The following ACP6 variants were observed in gnomAD, a reference collection of about 807,000 sequenced individuals.
The protein encoded by ACP6 is acid phosphatase 6, lysophosphatidic, also known as lysophosphatidic acid phosphatase type 6.
Under a neutral mutation model 48.1 loss-of-function variants are expected in ACP6, and 48 were observed. That is an observed-to-expected ratio of 1.00 (90% confidence interval 0.79 to 1.27). The LOEUF is 1.27. Among genes scored for constraint, ACP6 ranks in the 50% most tolerant of loss-of-function variants. The pLI is 0.00. For missense variants in ACP6, 485 were observed against 529.1 expected (o/e 0.92, Z 0.82); for synonymous variants, 172 against 204.2 (o/e 0.84, Z 1.34).
Position 147,647,461 on chromosome 1 carries a change from A to G in ACP6, c.1249T>C (p.Ser417Pro). Residue 417 changes from serine (S) to proline (P), a missense_variant, in exon 10 of 10, where the codon TCT (serine) becomes CCT (proline). Coordinates refer to ENST00000583509, the MANE Select transcript of ACP6 (RefSeq NM_016361.5). Reference protein sequence around the residue: ...LSPEKYHALCSQTQVMEVGNE... With the variant: ...LSPEKYHALCPQTQVMEVGNE... ...CCAACTTCCATCACCTGAGTTTGAG[A>G]GCAGAGTGCGTGGTATTTTTCTGGG... 6.2e-7 allele frequency: 1 copy of G among 1,614,216 alleles called. No individual in the cohort carries two copies. Among genetic ancestry groups the G allele is most frequent in the Non-Finnish European group, 8.5e-7 (1 of 1,180,042 alleles).
intron 9 of ACP6, 139 bp from the exon 10 acceptor site, chr1:147,647,705 C>G: frequency 9.0e-7 from 1 of 1,108,892 alleles, no homozygotes; most frequent in Non-Finnish European, 1.2e-6. Flanking sequence ...GGCCCCACTA[C>G]CCGGTGAGCT....
chr1:147,640,676 CAT>C (rs1371138406), downstream of ACP6, among the ~76,000 whole-genome samples: 3 of 152,166 alleles, frequency 2.0e-5, no homozygotes, highest in Non-Finnish European at 2.9e-5. Context: ...ACTCAGAGCA[CAT>C]GACTCCAAGA....
intron 9 of ACP6, 125 bp from the exon 10 acceptor site, chr1:147,647,691 G>A (rs1223673862): frequency 4.7e-6 from 6 of 1,277,030 alleles, no homozygotes; most frequent in Non-Finnish European, 5.2e-6. Flanking sequence ...ATTACAGACA[G>A]GAAGGCCCCA....
At chr1:147,634,348 T>C (rs1659245530) in intron 5 of ACP6, among the ~76,000 whole-genome samples, 1 of 152,208 alleles carries the variant, frequency 6.6e-6, no homozygotes, top group Admixed American at 6.5e-5. Context: ...GGATATTAAT[T>C]CCTCATCAGA....
At chr1:147,657,553 T>A (rs1166007262) in intron 4 of ACP6, among the ~76,000 whole-genome samples, 3 of 152,184 alleles carry the variant, frequency 2.0e-5, no homozygotes, top group African/African-American at 4.8e-5. Context: ...CCTGAATAGC[T>A]GGGATTACAG....
In ACP6 at chr1:147,652,672, G is replaced by A. The variant is rs782605358; in HGVS notation, c.781-123C>T. The A allele has an allele frequency of 5.0e-6, 8 of 1,595,026 alleles. No individual in the cohort carries two copies. The Admixed American group carries it at 8.4e-5, about 17-fold the overall frequency. ...CCTGGGGAAGAGAAGACAGGCTCAA[G>A]AACAGCTATGTCTGTTAACAGGTCA... On this transcript the variant is annotated intron_variant, in intron 6 of 9. Coordinates refer to ENST00000583509, the MANE Select transcript of ACP6 (RefSeq NM_016361.5).
At position 147,659,459 on chromosome 1, in the gene ACP6, A is replaced by G; in HGVS notation, c.416T>C (p.Leu139Pro). The G allele has an allele frequency of 6.2e-7, 1 of 1,614,198 alleles. No homozygotes were observed. Among genetic ancestry groups the G allele is most frequent in the African/African-American group, 1.3e-5 (1 of 75,054 alleles). ...AATGTCTTCCACATAGTTCTTCCTCAGTCTCTCTCCCAAGGCAAACATTTG... is the reference window on the plus strand; with the variant it reads ...AATGTCTTCCACATAGTTCTTCCTCGGTCTCTCTCCCAAGGCAAACATTTG... ...MQQMFALGER[L>P]RKNYVEDIPF... The change falls in exon 3 of 10, where the codon CTG becomes CCG. Residue 139 changes from leucine (L) to proline (P), a missense_variant. Physicochemically the swap from Leu to Pro is moderately conservative, Grantham distance 98 (BLOSUM62 -3). Coordinates refer to ENST00000583509, the MANE Select transcript of ACP6 (RefSeq NM_016361.5).
In ACP6 at chr1:147,644,520, G is replaced by T. The variant is rs947949473; in HGVS notation, c.*2903C>A. On this transcript the variant is annotated 3_prime_UTR_variant, in exon 10 of 10. Transcript: ENST00000583509. ...TGTTGAGAATAGATGGGCAGAGAAGGGAAGGGCAGAAACAGGAAGACTAGT... is the reference window on the plus strand; with the variant it reads ...TGTTGAGAATAGATGGGCAGAGAAGTGAAGGGCAGAAACAGGAAGACTAGT... The T allele has an allele frequency of 3.3e-5, 5 of 152,186 alleles. No individual in the cohort carries two copies. The highest frequency in any genetic ancestry group is 1.2e-4 in the African/African-American group (5 of 41,410). 9.4% of individuals were successfully genotyped at this position (152,186 alleles called of 1,614,324 possible). A position where few individuals can be genotyped will look rare whatever the true frequency, so the allele number is the denominator to read the frequency against.
chr1:147,656,037 G>A (rs1393284261), intron 4 of ACP6, among the ~76,000 whole-genome samples: 1 of 152,150 alleles, frequency 6.6e-6, no homozygotes, highest in Non-Finnish European at 1.5e-5. Context: ...GATTCACTGA[G>A]GTCCATCTAC....
chr1:147,664,111 C>T (rs1249729088), intron 1 of ACP6, among the ~76,000 whole-genome samples: 2 of 152,152 alleles, frequency 1.3e-5, no homozygotes, highest in African/African-American at 2.4e-5. Context: ...GTCAGTCCCA[C>T]TGGCACCTGG....
At chr1:147,664,141 C>T (rs1446404055) in intron 1 of ACP6, among the ~76,000 whole-genome samples, 1 of 152,168 alleles carries the variant, frequency 6.6e-6, no homozygotes, top group South Asian at 2.1e-4. Context: ...CCTGAACCTC[C>T]TTCTGACACA....
At chr1:147,656,243 C>A (rs587632433) in intron 4 of ACP6, among the ~76,000 whole-genome samples, 1 of 152,314 alleles carries the variant, frequency 6.6e-6, no homozygotes, top group East Asian at 1.9e-4. Context: ...AACCAGCAGT[C>A]GCCCTGGGAA....
rs1364273043 is a variant in ACP6 at position 147,636,971 on chromosome 1, G to A, written c.461-5906C>T. Among the ~76,000 whole-genome samples, 27 of 152,312 alleles carry A rather than the reference G, an allele frequency of 1.8e-4. 1 individual carries two copies. Among genetic ancestry groups the A allele is most frequent in the Admixed American group, 1.6e-3 (25 of 15,290 alleles). ...GATGGGATGGTGGTGGCCACAGCAGGAAGGCATTTTCAAGAGCTACTGGAG... is the reference window on the plus strand; with the variant it reads ...GATGGGATGGTGGTGGCCACAGCAGAAAGGCATTTTCAAGAGCTACTGGAG... On this transcript the variant is annotated intron_variant, in intron 5 of 5. Coordinates refer to the ACP6 transcript ENST00000609196.
At chr1:147,633,935 A>C (rs1416596129) in intron 5 of ACP6, among the ~76,000 whole-genome samples, 1 of 152,234 alleles carries the variant, frequency 6.6e-6, no homozygotes, top group African/African-American at 2.4e-5. Context: ...CTTTAAGTAC[A>C]TTCACATTGT....
At chr1:147,634,109 T>C (rs781955525) in intron 5 of ACP6, among the ~76,000 whole-genome samples, 6 of 152,220 alleles carry the variant, frequency 3.9e-5, no homozygotes, top group Non-Finnish European at 8.8e-5. Context: ...ACTAAGAATG[T>C]ACAAGGGTTC....
intron 5 of ACP6, 75 bp downstream of exon 5, chr1:147,655,086 T>C: frequency 1.6e-6 from 2 of 1,256,682 alleles, no homozygotes; most frequent in Non-Finnish European, 2.3e-6. Flanking sequence ...AGGCCCTCAG[T>C]ATAGACAGAG....
intron 9 of ACP6, chr1:147,647,803 G>A (rs1050579767): frequency 1.7e-5 from 10 of 595,298 alleles, no homozygotes; most frequent in East Asian, 1.2e-4. Context: ...TTACATCCCC[G>A]AGCTGGGAGA....
chr1:147,647,454 G>T lies in ACP6; in HGVS notation c.1256C>A (p.Thr419Asn). ...TTCATTTCCAACTTCCATCACCTGAGTTTGAGAGCAGAGTGCGTGGTATTT... is the reference window on the plus strand; with the variant it reads ...TTCATTTCCAACTTCCATCACCTGATTTTGAGAGCAGAGTGCGTGGTATTT... The part of the protein sequence containing the change: ...PEKYHALCSQ[T>N]QVMEVGNEE Residue 419 changes from threonine to asparagine, a missense_variant, in exon 10 of 10, where the codon ACT (threonine) becomes AAT (asparagine). Physicochemically the swap from Thr to Asn is moderately conservative, Grantham distance 65 (BLOSUM62 0). Transcript: ENST00000583509. The T allele has an allele frequency of 1.2e-6, 2 of 1,614,140 alleles. No individual in the cohort carries two copies. Among genetic ancestry groups the T allele is most frequent in the African/African-American group, 1.3e-5 (1 of 75,046 alleles).
intron 6 of ACP6, 149 bp downstream of exon 6, chr1:147,654,045 C>T: frequency 2.3e-6 from 3 of 1,325,086 alleles, no homozygotes; most frequent in African/African-American, 3.0e-5. Context: ...TGCTCCCTAT[C>T]CCTCAGTCCC....
Sources: allele counts gnomAD v4.1 joint callset (sites outside exome capture counted in the v4.1 genomes callset), GRCh38; gene constraint gnomAD v4.1.1; transcripts MANE v1.5; gene names NCBI Gene and HGNC (gene_info 2026-07-23, HGNC 2026-07-21).